The following FRMD4B variants were observed in gnomAD, a reference collection of about 807,000 sequenced individuals.
FRMD4B encodes the protein FERM domain containing 4B.
FRMD4B carries 74 observed loss-of-function variants against 141.5 expected under a neutral mutation model. That is an observed-to-expected ratio of 0.52 (90% CI 0.43 to 0.63). The LOEUF (loss-of-function observed/expected upper bound fraction) is 0.63. Among genes scored for constraint, FRMD4B ranks in the 30% least tolerant of loss-of-function variants. The probability of loss-of-function intolerance (pLI) is 0.00; values close to 1 mark genes in which losing one functional copy is unlikely to be tolerated. For missense variants in FRMD4B, 1,366 were observed against 1,253.4 expected, an observed-to-expected ratio of 1.09 and a Z score of -1.36; for synonymous variants, 506 against 467.9, an observed-to-expected ratio of 1.08 and a Z score of -1.05.
chr3:69,222,450 A>T (rs1043690223), intron 8 of FRMD4B, among the ~76,000 whole-genome samples: 1 of 134,830 alleles, frequency 7.4e-6, no homozygotes, highest in African/African-American at 2.7e-5. Context: ...CTAGGTGACA[A>T]GAGTGAAAAT....
intron 4 of FRMD4B, among the ~76,000 whole-genome samples, chr3:69,301,304 T>C (rs1217803838): frequency 6.6e-6 from 1 of 152,000 alleles, no homozygotes; most frequent in African/African-American, 2.4e-5. Context: ...GGTAGAGAAA[T>C]ATAGGTATTA....
At chr3:69,518,981 A>AT (rs1221299465) in intron 1 of FRMD4B, among the ~76,000 whole-genome samples, 4 of 152,198 alleles carry the variant, frequency 2.6e-5, no homozygotes, top group African/African-American at 9.7e-5. Context: ...GACACCTCAG[A>AT]TTCCCCTCTG....
chr3:69,225,468 G>A (rs1220744680), intron 7 of FRMD4B, among the ~76,000 whole-genome samples: 1 of 131,724 alleles, frequency 7.6e-6, no homozygotes, highest in Non-Finnish European at 1.5e-5. Flanking sequence ...AAGGTCAGGA[G>A]ATTGAGACCA....
chr3:69,345,558 C>T (rs1056714060), intron 1 of FRMD4B, among the ~76,000 whole-genome samples: 4 of 152,282 alleles, frequency 2.6e-5, no homozygotes, highest in African/African-American at 2.4e-5. Context: ...CCCTGACCCC[C>T]GAATAGCCTA....
At chr3:69,352,974 G>A (rs1055117722) in intron 1 of FRMD4B, among the ~76,000 whole-genome samples, 3 of 152,140 alleles carry the variant, frequency 2.0e-5, no homozygotes, top group African/African-American at 7.2e-5. Flanking sequence ...AACACATCTT[G>A]CTGATGAAAC....
intron 2 of FRMD4B, among the ~76,000 whole-genome samples, chr3:69,428,830 A>G (rs1325359152): frequency 6.6e-6 from 1 of 152,144 alleles, no homozygotes; most frequent in African/African-American, 2.4e-5. Context: ...CTCTGTGCCC[A>G]CTAAAATGTA....
chr3:69,348,669 G>C (rs375528779), intron 1 of FRMD4B, among the ~76,000 whole-genome samples: 1 of 152,164 alleles, frequency 6.6e-6, no homozygotes. Context: ...GGGATGCAAG[G>C]CTGGTACAAC....
chr3:69,256,424 A>T (rs1361203727), intron 5 of FRMD4B, among the ~76,000 whole-genome samples: 1 of 152,126 alleles, frequency 6.6e-6, no homozygotes, highest in African/African-American at 2.4e-5. Flanking sequence ...GGTTCAAGTG[A>T]TCCTCTCACC....
intron 19 of FRMD4B, among the ~76,000 whole-genome samples, chr3:69,184,416 TAC>T (rs752545792): frequency 1.3e-5 from 2 of 152,256 alleles, no homozygotes; most frequent in Admixed American, 6.5e-5. Context: ...ACTATTTGCC[TAC>T]AGTGTTATTT....
chr3:69,219,573 G>A (rs1397721881), intron 9 of FRMD4B, among the ~76,000 whole-genome samples: 1 of 151,778 alleles, frequency 6.6e-6, no homozygotes, highest in African/African-American at 2.4e-5. Flanking sequence ...ATAATGATCA[G>A]GAGAAAGAAT....
chr3:69,301,816 T>C (rs905518022), intron 4 of FRMD4B, among the ~76,000 whole-genome samples: 2 of 152,258 alleles, frequency 1.3e-5, no homozygotes, highest in African/African-American at 4.8e-5. Context: ...CAGCAGTCTG[T>C]CTGCATGTGA....
Position 69,302,411 on chromosome 3 carries a change from T to C in FRMD4B, c.348A>G (p.Leu116=). 1.9e-6 allele frequency: 3 copies of C among 1,604,246 alleles called. No homozygotes were observed. The highest frequency in any genetic ancestry group is 2.6e-6 in the Non-Finnish European group (3 of 1,173,540). The change falls in exon 4 of 23, where the codon TTA becomes TTG. Residue 116 remains leucine (L), a synonymous_variant. Coordinates refer to ENST00000398540, the MANE Select transcript of FRMD4B (RefSeq NM_015123.3). ...DDTGQQNWLQ[L]DHRVLDHDLP... ...AATCGTGGTCAAGAACTCGGTGATCTAACTGCAGCCAGTTCTGCTGACCTC... is the reference window on the plus strand; with the variant it reads ...AATCGTGGTCAAGAACTCGGTGATCCAACTGCAGCCAGTTCTGCTGACCTC...
At chr3:69,331,192 G>C (rs1025681299) in intron 1 of FRMD4B, among the ~76,000 whole-genome samples, 1 of 152,198 alleles carries the variant, frequency 6.6e-6, no homozygotes, top group South Asian at 2.1e-4. Context: ...ACTCAAAAAA[G>C]CGTTGGTGCT....
chr3:69,457,764 G>T (rs2106911551), intron 1 of FRMD4B, among the ~76,000 whole-genome samples: 1 of 152,332 alleles, frequency 6.6e-6, no homozygotes, highest in Non-Finnish European at 1.5e-5. Flanking sequence ...TGGCTTAGTA[G>T]CCGACCCTTG....
At chr3:69,480,740 C>T (rs576173644) in intron 1 of FRMD4B, among the ~76,000 whole-genome samples, 1 of 152,358 alleles carries the variant, frequency 6.6e-6, no homozygotes, top group East Asian at 1.9e-4. Flanking sequence ...CTCTTCAAAG[C>T]TGTCAGACAG....
chr3:69,321,611 G>GT (rs1397600902), intron 1 of FRMD4B, among the ~76,000 whole-genome samples: 6 of 152,222 alleles, frequency 3.9e-5, no homozygotes, highest in Non-Finnish European at 8.8e-5. Context: ...GCCTAGAACA[G>GT]TGCCTGGCAC....
intron 1 of FRMD4B, among the ~76,000 whole-genome samples, chr3:69,477,360 TAA>T (rs1264523799): frequency 8.7e-6 from 1 of 114,874 alleles, no homozygotes. Context: ...ATAGCTCTTA[TAA>T]TTTGAGATAC....
At chr3:69,259,916 T>G (rs2093515304) in intron 5 of FRMD4B, among the ~76,000 whole-genome samples, 1 of 152,210 alleles carries the variant, frequency 6.6e-6, no homozygotes, top group Admixed American at 6.5e-5. Flanking sequence ...CACAGCCTCC[T>G]GAGTAGGTGG....
At chr3:69,188,735 A>G (rs1054145205) in intron 18 of FRMD4B, among the ~76,000 whole-genome samples, 1 of 136,760 alleles carries the variant, frequency 7.3e-6, no homozygotes, top group Non-Finnish European at 1.5e-5. Flanking sequence ...CCGCAGTCCG[A>G]CCTGGGCGAC....
Sources: gnomAD v4.1 joint callset for allele counts (sites outside exome capture counted in the v4.1 genomes callset) on GRCh38, gnomAD v4.1.1 for gene constraint, MANE v1.5 for transcripts, NCBI Gene and HGNC (gene_info 2026-07-23, HGNC 2026-07-21) for gene names.